Variants in UNC5D observed in about 807,000 individuals in gnomAD.
UNC5D encodes netrin receptor UNC5D.
In UNC5D, 39 loss-of-function variants were observed where a neutral mutation model predicts 105.4. That is an observed-to-expected ratio of 0.37 (90% CI 0.29 to 0.48). The LOEUF is 0.48. UNC5D is among the 20% of genes least tolerant of loss of function. UNC5D has a pLI of 0.98. For synonymous variants in UNC5D, 452 were observed against 450.4 expected, an observed-to-expected ratio of 1.00 and a Z score of -0.04; for missense variants, 991 against 1,202.4, an observed-to-expected ratio of 0.82 and a Z score of 2.60.
chr8:35,246,906 T>G (rs1185298648), intron 1 of UNC5D, among the ~76,000 whole-genome samples: 1 of 152,152 alleles, frequency 6.6e-6, no homozygotes, highest in Non-Finnish European at 1.5e-5. Context: ...TGTGGCTCTC[T>G]GTTTCCCATT....
intron 1 of UNC5D, among the ~76,000 whole-genome samples, chr8:35,448,410 C>T (rs1807935440): frequency 6.6e-6 from 1 of 152,042 alleles, no homozygotes; most frequent in African/African-American, 2.4e-5. Context: ...TAAATTTTTT[C>T]CCTGCTTTAA....
At chr8:35,726,666 C>T (rs927773715) in intron 10 of UNC5D, 137 bp downstream of exon 10, 18 of 1,346,508 alleles carry the variant, frequency 1.3e-5, no homozygotes, top group Middle Eastern at 1.9e-4. Context: ...TCCACTAGTC[C>T]ACTTGATTTA....
intron 1 of UNC5D, among the ~76,000 whole-genome samples, chr8:35,485,190 G>C (rs1233101359): frequency 6.6e-6 from 1 of 152,118 alleles, no homozygotes; most frequent in Non-Finnish European, 1.5e-5. Context: ...GTAGTTGGTG[G>C]CATAATTAAA....
intron 1 of UNC5D, among the ~76,000 whole-genome samples, chr8:35,253,508 A>T (rs1441601951): frequency 1.7e-5 from 2 of 119,374 alleles, no homozygotes; most frequent in East Asian, 4.9e-4. Flanking sequence ...TTTTTTTGAG[A>T]CAGAGTCTTG....
At chr8:35,377,179 C>A (rs2405735) in intron 1 of UNC5D, among the ~76,000 whole-genome samples, 66,226 of 151,954 alleles carry the variant, frequency 0.44, 14,710 homozygotes, top group East Asian at 0.7. Flanking sequence ...TGGATGATGG[C>A]AGACCTCCAT....
intron 16 of UNC5D, among the ~76,000 whole-genome samples, chr8:35,776,875 A>G (rs1045339415): frequency 6.6e-6 from 1 of 152,318 alleles, no homozygotes; most frequent in Admixed American, 6.5e-5. Context: ...GTAGGAGGCC[A>G]AGGTGGAAGT....
At chr8:35,555,086 A>C (rs1453251048) in intron 2 of UNC5D, among the ~76,000 whole-genome samples, 1 of 152,242 alleles carries the variant, frequency 6.6e-6, no homozygotes, top group Non-Finnish European at 1.5e-5. Flanking sequence ...AATGATTCAC[A>C]AATCACTAAA....
intron 1 of UNC5D, among the ~76,000 whole-genome samples, chr8:35,538,403 A>G: frequency 2.7e-5 from 1 of 36,942 alleles, no homozygotes; most frequent in East Asian, 6.9e-4. Context: ...AATTATATAT[A>G]TATATATATA....
intron 11 of UNC5D, among the ~76,000 whole-genome samples, chr8:35,736,844 GA>G (rs1829495148): frequency 6.6e-6 from 1 of 152,202 alleles, no homozygotes; most frequent in African/African-American, 2.4e-5. Flanking sequence ...TGAGGCTGAA[GA>G]AATAAGGACT....
At chr8:35,302,314 G>C (rs879043376) in intron 1 of UNC5D, among the ~76,000 whole-genome samples, 1 of 152,172 alleles carries the variant, frequency 6.6e-6, no homozygotes, top group African/African-American at 2.4e-5. Context: ...ATTTCCTTTT[G>C]TTAGGATTCT....
chr8:35,740,480 A>G (rs1276833735), intron 11 of UNC5D, among the ~76,000 whole-genome samples: 2 of 152,136 alleles, frequency 1.3e-5, no homozygotes, highest in Admixed American at 6.5e-5. Context: ...TAGCTCAGTG[A>G]GGCTTCTGAC....
At chr8:35,573,096 C>T (rs1454327700) in intron 3 of UNC5D, among the ~76,000 whole-genome samples, 1 of 152,214 alleles carries the variant, frequency 6.6e-6, no homozygotes, top group Non-Finnish European at 1.5e-5. Context: ...AGCCACCGCG[C>T]CTAGCGCAAT....
chr8:35,459,486 A>G (rs952676232), intron 1 of UNC5D, among the ~76,000 whole-genome samples: 1 of 152,240 alleles, frequency 6.6e-6, no homozygotes, highest in Non-Finnish European at 1.5e-5. Context: ...CCAATCACAC[A>G]TAGCTGAATT....
intron 2 of UNC5D, among the ~76,000 whole-genome samples, chr8:35,556,375 C>A (rs1476968254): frequency 6.6e-6 from 1 of 152,052 alleles, no homozygotes; most frequent in Non-Finnish European, 1.5e-5. Flanking sequence ...TCATTCAGGT[C>A]GCATTGTGTG....
intron 1 of UNC5D, among the ~76,000 whole-genome samples, chr8:35,343,912 C>A (rs905779831): frequency 6.6e-6 from 1 of 152,074 alleles, no homozygotes; most frequent in Non-Finnish European, 1.5e-5. Context: ...TTAACCTATA[C>A]GAGAATGTCT....
At chr8:35,373,582 G>A (rs569141951) in intron 1 of UNC5D, among the ~76,000 whole-genome samples, 1 of 152,292 alleles carries the variant, frequency 6.6e-6, no homozygotes, top group Non-Finnish European at 1.5e-5. Context: ...CGATAAAGCT[G>A]ACAATTCATG....
chr8:35,451,270 C>G, intron 1 of UNC5D, among the ~76,000 whole-genome samples: 1 of 151,946 alleles, frequency 6.6e-6, no homozygotes, highest in East Asian at 1.9e-4. Context: ...CTTGAACTCC[C>G]AACCTCAGGT....
intron 1 of UNC5D, among the ~76,000 whole-genome samples, chr8:35,303,699 T>C (rs1184247111): frequency 6.6e-6 from 1 of 152,164 alleles, no homozygotes; most frequent in Non-Finnish European, 1.5e-5. Flanking sequence ...CTAAAATCAA[T>C]TGTCCACTGT....
At chr8:35,780,132 T>G (rs990387672) in intron 16 of UNC5D, among the ~76,000 whole-genome samples, 5 of 152,162 alleles carry the variant, frequency 3.3e-5, no homozygotes, top group African/African-American at 1.2e-4. Flanking sequence ...TAACAGTTTT[T>G]CCCAGTGCCC....
Sources: allele counts gnomAD v4.1 joint callset (sites outside exome capture counted in the v4.1 genomes callset), GRCh38; gene constraint gnomAD v4.1.1; transcripts MANE v1.5; gene names NCBI Gene and HGNC (gene_info 2026-07-23, HGNC 2026-07-21).